Variants in CADM1 observed in about 807,000 individuals in gnomAD.
CADM1 encodes the protein TSLC-1.
Under a neutral mutation model 53.1 loss-of-function variants are expected in CADM1, and 15 were observed. The observed-to-expected ratio is 0.28, with a 90% CI of 0.19 to 0.44. The LOEUF (loss-of-function observed/expected upper bound fraction) is 0.44. Among genes scored for constraint, CADM1 ranks in the 20% least tolerant of loss-of-function variants. The pLI is 1.00. For synonymous variants in CADM1, 281 were observed against 243.0 expected, an observed-to-expected ratio of 1.16 and a Z score of -1.45; for missense variants, 434 against 611.3, an observed-to-expected ratio of 0.71 and a Z score of 3.06.
chr11:115,484,210 T>C (rs943440306), intron 1 of CADM1, among the ~76,000 whole-genome samples: 5 of 152,182 alleles, frequency 3.3e-5, no homozygotes, highest in African/African-American at 9.7e-5. Context: ...TACTAACTAA[T>C]ATGGGCTAAG....
chr11:115,259,290 C>CTTTTTTTT (rs71066411), intron 1 of CADM1, among the ~76,000 whole-genome samples: 12 of 55,090 alleles, frequency 2.2e-4, no homozygotes, highest in Non-Finnish European at 2.6e-4. Context: ...CCAGTCTTAA[C>CTTTTTTTT]TTTTTTTTTT....
intron 10 of CADM1, among the ~76,000 whole-genome samples, chr11:115,185,455 G>A (rs554747996): frequency 1.6e-4 from 25 of 152,320 alleles, no homozygotes; most frequent in African/African-American, 4.6e-4. Flanking sequence ...GTCTGATTCA[G>A]GTTTCGATTC....
chr11:115,457,888 T>A (rs1948713049), intron 1 of CADM1, among the ~76,000 whole-genome samples: 1 of 152,144 alleles, frequency 6.6e-6, no homozygotes, highest in Non-Finnish European at 1.5e-5. Flanking sequence ...AAGCCCAATG[T>A]GGACAGTATG....
chr11:115,469,667 G>A (rs1948968044), intron 1 of CADM1, among the ~76,000 whole-genome samples: 1 of 126,918 alleles, frequency 7.9e-6, no homozygotes, highest in South Asian at 2.4e-4. Flanking sequence ...TCAACTTCTG[G>A]GCTTTTTTTT....
At position 115,174,856 on chromosome 11, in the gene CADM1, C is replaced by G. The variant is rs935344014; in HGVS notation, c.*1618G>C. 16 of 985,512 alleles carry G rather than the reference C, an allele frequency of 1.6e-5. No individual in the cohort carries two copies. The African/African-American group carries it at 2.6e-4, about 16-fold the overall frequency. The allele number at this position is 985,512 out of a possible 1,614,324, so 61.0% of individuals were successfully genotyped here. A position where few individuals can be genotyped will look rare whatever the true frequency, so the allele number is the denominator to read the frequency against. On this transcript the variant is annotated 3_prime_UTR_variant, in exon 12 of 12. Coordinates refer to ENST00000331581, the MANE Select transcript of CADM1 (RefSeq NM_001301043.2). ...TGGTAAGAGTTTAGTTTCTGTCCTTCAGGACTACTTCTAGATTTCCTAGAC... is the reference window on the plus strand; with the variant it reads ...TGGTAAGAGTTTAGTTTCTGTCCTTGAGGACTACTTCTAGATTTCCTAGAC...
intron 1 of CADM1, among the ~76,000 whole-genome samples, chr11:115,410,223 T>C (rs1947425907): frequency 6.6e-6 from 1 of 152,214 alleles, no homozygotes; most frequent in Non-Finnish European, 1.5e-5. Flanking sequence ...TGTCTTCTAT[T>C]ACCCTTTTAA....
chr11:115,187,516 C>T (rs1255264867), intron 10 of CADM1, among the ~76,000 whole-genome samples: 1 of 152,158 alleles, frequency 6.6e-6, no homozygotes, highest in Non-Finnish European at 1.5e-5. Context: ...GCAACCTCCA[C>T]CTCCTCGTTC....
chr11:115,449,439 C>T (rs1948524245), intron 1 of CADM1, among the ~76,000 whole-genome samples: 1 of 152,184 alleles, frequency 6.6e-6, no homozygotes, highest in South Asian at 2.1e-4. Flanking sequence ...AAGCCACCTT[C>T]ATTTCTTAAG....
rs1460808488 is a variant in CADM1 at position 115,174,325 on chromosome 11, A to T, written c.*2149T>A. Reference sequence around the variant, plus strand: ...TTTTTCTAAAAAGAACAACTGAAAAAAAACCTTTCAACAACATGCTAAATG... The same window carrying T: ...TTTTTCTAAAAAGAACAACTGAAAATAAACCTTTCAACAACATGCTAAATG... On this transcript the variant is annotated 3_prime_UTR_variant, in exon 12 of 12. Transcript: ENST00000331581. 1 of 985,420 alleles carries T rather than the reference A, an allele frequency of 1.0e-6. No homozygotes were observed. The highest frequency in any genetic ancestry group is 4.7e-5 in the South Asian group (1 of 21,278). 61.0% of individuals were successfully genotyped at this position (985,420 alleles called of 1,614,324 possible). A position where few individuals can be genotyped will look rare whatever the true frequency, so the allele number is the denominator to read the frequency against.
At chr11:115,328,728 A>G (rs1009589790) in intron 1 of CADM1, among the ~76,000 whole-genome samples, 1 of 110,264 alleles carries the variant, frequency 9.1e-6, no homozygotes, top group South Asian at 2.9e-4. Context: ...ATATATATGT[A>G]TATACATATA....
intron 1 of CADM1, among the ~76,000 whole-genome samples, chr11:115,414,058 T>A (rs1947530181): frequency 6.6e-6 from 1 of 152,046 alleles, no homozygotes; most frequent in East Asian, 1.9e-4. Flanking sequence ...CTTAAATAAG[T>A]ATATACACAC....
chr11:115,406,670 G>A (rs1458085745), intron 1 of CADM1, among the ~76,000 whole-genome samples: 34 of 150,550 alleles, frequency 2.3e-4, no homozygotes, highest in Admixed American at 2.2e-3. Context: ...GATATGGCCA[G>A]GCGCTGTGGC....
intron 1 of CADM1, among the ~76,000 whole-genome samples, chr11:115,312,806 T>C (rs1944565331): frequency 6.6e-6 from 1 of 152,124 alleles, no homozygotes; most frequent in Non-Finnish European, 1.5e-5. Flanking sequence ...AACCCTTTGT[T>C]TGTGGGAACG....
At chr11:115,375,347 A>G (rs1214329917) in intron 1 of CADM1, among the ~76,000 whole-genome samples, 3 of 152,188 alleles carry the variant, frequency 2.0e-5, no homozygotes, top group Non-Finnish European at 4.4e-5. Context: ...CTGGGGAGGA[A>G]GGAAGCGCAG....
chr11:115,413,935 A>C (rs1016324257), intron 1 of CADM1, among the ~76,000 whole-genome samples: 2 of 151,740 alleles, frequency 1.3e-5, no homozygotes, highest in African/African-American at 4.8e-5. Context: ...GAGCCACCAC[A>C]CCCGGCTCCA....
intron 1 of CADM1, among the ~76,000 whole-genome samples, chr11:115,439,170 T>G (rs191350095): frequency 4.0e-5 from 6 of 149,400 alleles, no homozygotes; most frequent in Non-Finnish European, 9.1e-5. Flanking sequence ...AATGATGTCA[T>G]AAGTAAAGGC....
chr11:115,253,307 T>A (rs1427106129), intron 1 of CADM1, among the ~76,000 whole-genome samples: 1 of 152,214 alleles, frequency 6.6e-6, no homozygotes, highest in African/African-American at 2.4e-5. Flanking sequence ...TTCCTGCCTT[T>A]AGGACTAAGT....
intron 1 of CADM1, among the ~76,000 whole-genome samples, chr11:115,386,710 CAGAG>C (rs1200127823): frequency 0.17 from 19 of 114 alleles, no homozygotes; most frequent in Admixed American, 0.42. Context: ...TTCATGAGGG[CAGAG>C]CCTCATGACC....
At chr11:115,201,634 G>T (rs967463162) in intron 8 of CADM1, among the ~76,000 whole-genome samples, 1 of 152,088 alleles carries the variant, frequency 6.6e-6, no homozygotes, top group Non-Finnish European at 1.5e-5. Flanking sequence ...AGTGATAAAT[G>T]CTATAATCAG....
Sources: allele counts gnomAD v4.1 joint callset (sites outside exome capture counted in the v4.1 genomes callset), GRCh38; gene constraint gnomAD v4.1.1; transcripts MANE v1.5; gene names NCBI Gene and HGNC (gene_info 2026-07-23, HGNC 2026-07-21).